The following ATP6V0A1 variants were observed in gnomAD, a reference collection of about 807,000 sequenced individuals.
ATP6V0A1 encodes ATPase H+ transporting V0 subunit a1.
In ATP6V0A1, 43 loss-of-function variants were observed where a neutral mutation model predicts 105.4. The ratio of observed to expected loss-of-function variants is 0.41; its 90% CI spans 0.32 to 0.53. ATP6V0A1 has a LOEUF of 0.53. Ranked by LOEUF, ATP6V0A1 falls within the 20% of genes least tolerant of loss-of-function variation. The probability of loss-of-function intolerance (pLI) is 0.30; values close to 1 mark genes in which losing one functional copy is unlikely to be tolerated. For synonymous variants in ATP6V0A1, 362 were observed against 372.8 expected, an observed-to-expected ratio of 0.97 and a Z score of 0.33; for missense variants, 676 against 1,051.1, an observed-to-expected ratio of 0.64 and a Z score of 4.93.
chr17:42,509,430 C>T (rs975703419), intron 19 of ATP6V0A1, among the ~76,000 whole-genome samples: 10 of 152,340 alleles, frequency 6.6e-5, no homozygotes, highest in Non-Finnish European at 8.8e-5. Context: ...ATACCCTTCC[C>T]TTCCTGACTC....
intron 14 of ATP6V0A1, among the ~76,000 whole-genome samples, chr17:42,496,843 T>C (rs1005565583): frequency 3.3e-5 from 5 of 150,546 alleles, no homozygotes; most frequent in Non-Finnish European, 7.4e-5. Flanking sequence ...CTCAAAAAAA[T>C]AGATGGAATG....
At chr17:42,515,557 G>A (rs1395165800) in intron 21 of ATP6V0A1, among the ~76,000 whole-genome samples, 3 of 150,588 alleles carry the variant, frequency 2.0e-5, no homozygotes, top group South Asian at 2.1e-4. Context: ...AGGCCGAGGC[G>A]GGTGGATCAC....
chr17:42,489,719 G>A (rs980507278), intron 10 of ATP6V0A1, among the ~76,000 whole-genome samples: 1 of 152,156 alleles, frequency 6.6e-6, no homozygotes, highest in Non-Finnish European at 1.5e-5. Context: ...TATTGATTGG[G>A]GAGAGATGGT....
chr17:42,468,371 A>G (rs1190869039), intron 4 of ATP6V0A1, among the ~76,000 whole-genome samples: 2 of 152,138 alleles, frequency 1.3e-5, no homozygotes, highest in Non-Finnish European at 2.9e-5. Flanking sequence ...TACCATTTCT[A>G]TGTGTTGGGA....
intron 21 of ATP6V0A1, among the ~76,000 whole-genome samples, chr17:42,515,874 C>G (rs1215573608): frequency 1.3e-5 from 2 of 152,174 alleles, no homozygotes; most frequent in Non-Finnish European, 2.9e-5. Flanking sequence ...ATGGGATATG[C>G]TTATACTAAA....
intron 3 of ATP6V0A1, 137 bp from the exon 4 acceptor site, chr17:42,467,873 T>TA (rs2087308748): frequency 8.6e-6 from 2 of 232,628 alleles, no homozygotes; most frequent in African/African-American, 2.3e-5. Context: ...TATTATATCT[T>TA]TTATATATAT....
intron 4 of ATP6V0A1, among the ~76,000 whole-genome samples, chr17:42,469,501 T>G (rs2087585868): frequency 6.6e-6 from 1 of 150,542 alleles, no homozygotes; most frequent in Admixed American, 6.6e-5. Flanking sequence ...CAGCTAATTT[T>G]TTTTTGTATT....
chr17:42,490,563 C>G lies in ATP6V0A1; in HGVS notation c.1100C>G (p.Thr367Ser). 1 of 1,613,822 alleles carries G rather than the reference C, an allele frequency of 6.2e-7. No individual in the cohort carries two copies. Among genetic ancestry groups the G allele is most frequent in the Non-Finnish European group, 8.5e-7 (1 of 1,179,882 alleles). ...TNQTPPTYNK[T>S]NKFTYGFQNI... is the part of the protein sequence containing the mutation. ...CAGACTCCCCCAACCTATAACAAAA[C>G]CAACAAGTTTACCTATGGCTTTCAG... The change falls in exon 11 of 22, where the codon ACC becomes AGC. Residue 367 changes from threonine (T) to serine (S), a missense_variant. Around this residue, in one of 3 missense-constraint regions of ATP6V0A1, gnomAD observed 435 missense variants for 642.2 expected, o/e 0.68. Coordinates refer to ENST00000343619, the MANE Select transcript of ATP6V0A1 (RefSeq NM_001130021.3).
chr17:42,492,986 C>T (rs1188741867), intron 11 of ATP6V0A1, among the ~76,000 whole-genome samples: 1 of 152,084 alleles, frequency 6.6e-6, no homozygotes, highest in African/African-American at 2.4e-5. Context: ...CCACTGCACT[C>T]CAGCCTGAGT....
chr17:42,500,682 A>AC (rs1471745513), intron 15 of ATP6V0A1, 25 bp from the exon 16 acceptor site: 1 of 1,584,146 alleles, frequency 6.3e-7, no homozygotes, highest in Non-Finnish European at 8.7e-7. Flanking sequence ...TTTACCCTTA[A>AC]CATTTTTTTC....
chr17:42,474,305 C>T (rs112674023), intron 5 of ATP6V0A1, among the ~76,000 whole-genome samples: 1,532 of 152,002 alleles, frequency 0.01, 20 homozygotes, highest in Non-Finnish European at 0.012. Flanking sequence ...CCAGCCTCCC[C>T]CTCCTATTTT....
intron 21 of ATP6V0A1, among the ~76,000 whole-genome samples, chr17:42,517,732 G>C (rs961298310): frequency 2.0e-5 from 3 of 152,160 alleles, no homozygotes; most frequent in Admixed American, 2.0e-4. Context: ...CCTCTTACCA[G>C]GGGTGGAGCC....
chr17:42,478,612 T>C, intron 7 of ATP6V0A1, 23 bp downstream of exon 7: 1 of 1,546,642 alleles, frequency 6.5e-7, no homozygotes, highest in Non-Finnish European at 8.8e-7. Context: ...GATTGCATCC[T>C]GTGGAGTAGG....
At chr17:42,480,966 G>A (rs571009227) in intron 8 of ATP6V0A1, 4 of 384,856 alleles carry the variant, frequency 1.0e-5, no homozygotes, top group African/African-American at 2.1e-5. Context: ...CTGTTGCCCA[G>A]GCTGGAGTGC....
chr17:42,485,198 C>G (rs1461970667), intron 9 of ATP6V0A1, among the ~76,000 whole-genome samples: 1 of 152,076 alleles, frequency 6.6e-6, no homozygotes, highest in Non-Finnish European at 1.5e-5. Flanking sequence ...TATGACCCAC[C>G]AACCTGACCT....
At chr17:42,504,619 A>C (rs2091901141) in intron 17 of ATP6V0A1, among the ~76,000 whole-genome samples, 1 of 152,166 alleles carries the variant, frequency 6.6e-6, no homozygotes, top group South Asian at 2.1e-4. Context: ...CACAAGTCTG[A>C]CTGCACATCA....
chr17:42,505,184 C>T (rs775914940), intron 17 of ATP6V0A1, among the ~76,000 whole-genome samples: 4 of 151,906 alleles, frequency 2.6e-5, no homozygotes, highest in Non-Finnish European at 4.4e-5. Context: ...TATGGGCATG[C>T]ACCACTACGC....
At chr17:42,491,048 T>TG (rs1199185341) in intron 11 of ATP6V0A1, among the ~76,000 whole-genome samples, 4 of 151,694 alleles carry the variant, frequency 2.6e-5, no homozygotes, top group African/African-American at 9.7e-5. Flanking sequence ...TTTTTAGAGA[T>TG]GGGTTTTGCT....
chr17:42,471,236 CG>C (rs1567814025), intron 5 of ATP6V0A1: 1 of 151,516 alleles, frequency 6.6e-6, no homozygotes, highest in African/African-American at 2.4e-5. Flanking sequence ...TTGGCTAACA[CG>C]GTGAAACCCC....
Sources: allele counts gnomAD v4.1 joint callset (sites outside exome capture counted in the v4.1 genomes callset), GRCh38; gene constraint gnomAD v4.1.1; regional missense constraint gnomAD v4.1.1; transcripts MANE v1.5; gene names NCBI Gene and HGNC (gene_info 2026-07-23, HGNC 2026-07-21).